ALKBH3: variants seen among roughly 807,000 people sequenced by gnomAD.
ALKBH3 encodes alpha-ketoglutarate-dependent dioxygenase alkB homolog 3.
A neutral mutation model predicts 43.9 loss-of-function variants in ALKBH3; 51 were observed. The observed-to-expected ratio is 1.16, with a 90% CI of 0.93 to 1.47. The LOEUF (loss-of-function observed/expected upper bound fraction) is 1.47. Ranked by LOEUF, ALKBH3 falls within the 40% of genes most tolerant of loss-of-function variation. The pLI is 0.00. For synonymous variants in ALKBH3, 102 were observed against 115.2 expected, an observed-to-expected ratio of 0.89 and a Z score of 0.73; for missense variants, 361 against 351.9, an observed-to-expected ratio of 1.03 and a Z score of -0.21.
At chr11:43,900,710 A>G (rs1355459901) in intron 7 of ALKBH3, among the ~76,000 whole-genome samples, 3 of 152,330 alleles carry the variant, frequency 2.0e-5, no homozygotes, top group Non-Finnish European at 2.9e-5. Flanking sequence ...GATTTCTGGG[A>G]GAAAAGCATT....
chr11:43,898,889 T>G (rs1184977531), intron 7 of ALKBH3: 1 of 755,476 alleles, frequency 1.3e-6, no homozygotes, highest in Non-Finnish European at 2.5e-6. Flanking sequence ...ATTTCCTGAG[T>G]GGAGAGTGCA....
At chr11:43,905,333 G>A (rs1448065972) in intron 8 of ALKBH3, among the ~76,000 whole-genome samples, 2 of 151,982 alleles carry the variant, frequency 1.3e-5, no homozygotes, top group Non-Finnish European at 2.9e-5. Context: ...TCTTTGTTTC[G>A]TAAGCACCAG....
chr11:43,893,198 T>C (rs1951796123), intron 7 of ALKBH3, among the ~76,000 whole-genome samples: 1 of 152,234 alleles, frequency 6.6e-6, no homozygotes, highest in African/African-American at 2.4e-5. Context: ...TCAACCTCAG[T>C]AGTATTGCCA....
chr11:43,883,111 CA>C lies in ALKBH3; in HGVS notation c.107del (p.Gln36ArgfsTer27). Reference sequence around the variant, plus strand: ...TACCACTGCTAAGAGCCATCTCCACCAGAAGCCTGGCCAGACCTGGAAGAAC... The same window carrying C: ...TACCACTGCTAAGAGCCATCTCCACCGAAGCCTGGCCAGACCTGGAAGAAC... ...PATTAKSHLHQKPGQTWKNKE... is the reference protein window; with the variant it reads ...PATTAKSHLHXKPGQTWKNKE... On this transcript the variant is annotated frameshift_variant, in exon 3 of 10. Coordinates refer to ENST00000302708, the MANE Select transcript of ALKBH3 (RefSeq NM_139178.4). LOFTEE classifies it high-confidence loss of function. 1.9e-6 allele frequency: 3 copies of C among 1,614,070 alleles called. No individual in the cohort carries two copies. The highest frequency in any genetic ancestry group is 2.5e-6 in the Non-Finnish European group (3 of 1,179,992).
At chr11:43,918,610 C>T (rs1952001943) in intron 8 of ALKBH3, among the ~76,000 whole-genome samples, 1 of 152,192 alleles carries the variant, frequency 6.6e-6, no homozygotes, top group African/African-American at 2.4e-5. Flanking sequence ...ATTTTTCCCA[C>T]ACTGAGTATG....
At chr11:43,905,647 T>C (rs1233682876) in intron 8 of ALKBH3, among the ~76,000 whole-genome samples, 1 of 152,224 alleles carries the variant, frequency 6.6e-6, no homozygotes. Context: ...ACCTTATCTA[T>C]ATTCTGGCTG....
chr11:43,900,091 AAACAGTGTCACCC>A (rs1951851137), intron 7 of ALKBH3, among the ~76,000 whole-genome samples: 1 of 151,730 alleles, frequency 6.6e-6, no homozygotes, highest in Admixed American at 6.6e-5. Context: ...AAAATTTGCA[AAACAGTGTCACCC>A]TTCTCATCAA....
chr11:43,898,771 G>A (rs1000973090), intron 7 of ALKBH3: 1 of 749,548 alleles, frequency 1.3e-6, no homozygotes, highest in East Asian at 2.4e-5. Flanking sequence ...CTGGACGCTG[G>A]TTAGTCCATT....
intron 7 of ALKBH3, among the ~76,000 whole-genome samples, chr11:43,895,306 T>C (rs1161228374): frequency 6.6e-6 from 1 of 152,212 alleles, no homozygotes; most frequent in African/African-American, 2.4e-5. Flanking sequence ...AATTGAATCA[T>C]GGGGGCATTT....
chr11:43,917,806 T>C (rs1488117768), intron 8 of ALKBH3, among the ~76,000 whole-genome samples: 1 of 152,192 alleles, frequency 6.6e-6, no homozygotes, highest in Non-Finnish European at 1.5e-5. Context: ...GCAGACACAA[T>C]TAAAATCAAT....
intron 7 of ALKBH3, among the ~76,000 whole-genome samples, chr11:43,900,221 T>TAA (rs1951852674): frequency 7.9e-6 from 1 of 126,300 alleles, no homozygotes; most frequent in Non-Finnish European, 1.7e-5. Flanking sequence ...TTTAATTTTT[T>TAA]TTTTTTTTTT....
At chr11:43,898,736 G>C in intron 7 of ALKBH3, 1 of 719,286 alleles carries the variant, frequency 1.4e-6, no homozygotes, top group South Asian at 1.5e-5. Context: ...CTCATCCTGC[G>C]GTCACCCAGG....
At position 43,919,135 on chromosome 11, in the gene ALKBH3, A is replaced by T; in HGVS notation, c.767A>T (p.Gln256Leu). The T allele has an allele frequency of 6.2e-7, 1 of 1,610,580 alleles. No homozygotes were observed. Among genetic ancestry groups the T allele is most frequent in the Admixed American group, 1.7e-5 (1 of 60,028 alleles). Residue 256 changes from glutamine to leucine, a missense_variant and splice_region_variant, in exon 9 of 10, where the codon CAG becomes CTG. By Grantham distance (113) the Gln-to-Leu change is moderately radical. Coordinates refer to ENST00000302708, the MANE Select transcript of ALKBH3 (RefSeq NM_139178.4). Reference sequence around the variant, plus strand: ...GAAGGAGCGACACAAGCTGACTGGCAGGTGAGGATCTGCAAGTAATATGAA... The same window carrying T: ...GAAGGAGCGACACAAGCTGACTGGCTGGTGAGGATCTGCAAGTAATATGAA... The part of the protein sequence containing the change: ...IMEGATQADW[Q>L]HRVPKEYHSR...
intron 8 of ALKBH3, chr11:43,918,809 C>T: frequency 2.0e-6 from 1 of 498,734 alleles, no homozygotes; most frequent in South Asian, 3.1e-5. Context: ...TCACCATAGC[C>T]CTAGGTGGCA....
At chr11:43,900,215 A>AATTTTTTTTTTTTTTTTTTTTTT (rs1554976906) in intron 7 of ALKBH3, among the ~76,000 whole-genome samples, 1 of 87,150 alleles carries the variant, frequency 1.1e-5, no homozygotes, top group African/African-American at 4.5e-5. Flanking sequence ...TTTTAATTTA[A>AATTTTTTTTTTTTTTTTTTTTTT]TTTTTTTTTT....
chr11:43,919,316 T>C (rs901310703), intron 9 of ALKBH3, among the ~76,000 whole-genome samples, 180 bp downstream of exon 9: 1 of 152,232 alleles, frequency 6.6e-6, no homozygotes, highest in African/African-American at 2.4e-5. Flanking sequence ...GACACTAGTG[T>C]GTCCGGTAGA....
intron 8 of ALKBH3, chr11:43,916,890 G>A (rs994599101): frequency 2.0e-5 from 3 of 152,210 alleles, no homozygotes; most frequent in African/African-American, 7.2e-5. Context: ...GCATTAGTAG[G>A]ATCCCTTGCC....
chr11:43,897,517 C>G, intron 7 of ALKBH3: 1 of 761,476 alleles, frequency 1.3e-6, no homozygotes, highest in South Asian at 1.4e-5. Flanking sequence ...TTAATTATGG[C>G]TGCCTATGAA....
At chr11:43,919,202 T>A in intron 9 of ALKBH3, 66 bp downstream of exon 9, 2 of 1,348,392 alleles carry the variant, frequency 1.5e-6, no homozygotes, top group Non-Finnish European at 2.1e-6. Flanking sequence ...CTGAGGACTA[T>A]TTCTAAGTAG....
Sources: gnomAD v4.1 joint callset for allele counts (sites outside exome capture counted in the v4.1 genomes callset) on GRCh38, gnomAD v4.1.1 for gene constraint, MANE v1.5 for transcripts, NCBI Gene and HGNC (gene_info 2026-07-23, HGNC 2026-07-21) for gene names.